BRINP1: variants seen among roughly 807,000 people sequenced by gnomAD.
BRINP1 encodes BMP/retinoic acid inducible neural specific 1, also known as BMP/retinoic acid-inducible neural-specific protein 1.
A neutral mutation model predicts 72.9 loss-of-function variants in BRINP1; 17 were observed. The observed-to-expected ratio is 0.23, with a 90% CI of 0.16 to 0.35. The LOEUF (loss-of-function observed/expected upper bound fraction) is 0.35. Among genes scored for constraint, BRINP1 ranks in the 10% least tolerant of loss-of-function variants. The pLI is 1.00. For synonymous variants in BRINP1, 418 were observed against 378.5 expected, an observed-to-expected ratio of 1.10 and a Z score of -1.21; for missense variants, 850 against 1,001.6, an observed-to-expected ratio of 0.85 and a Z score of 2.04.
At chr9:119,219,162 C>T (rs1482382292) in intron 5 of BRINP1, among the ~76,000 whole-genome samples, 2 of 152,062 alleles carry the variant, frequency 1.3e-5, no homozygotes, top group African/African-American at 4.8e-5. Flanking sequence ...GTGTAAGCCA[C>T]CCAGTCTGTG....
intron 2 of BRINP1, among the ~76,000 whole-genome samples, chr9:119,294,553 T>A (rs1162699059): frequency 6.8e-6 from 1 of 146,174 alleles, no homozygotes; most frequent in Non-Finnish European, 1.5e-5. Context: ...ACAAAACACA[T>A]TGATGAAGGA....
At chr9:119,245,248 T>G (rs1489286252) in intron 3 of BRINP1, among the ~76,000 whole-genome samples, 1 of 152,214 alleles carries the variant, frequency 6.6e-6, no homozygotes, top group Non-Finnish European at 1.5e-5. Flanking sequence ...GTGAATGATG[T>G]GTACACGTGT....
intron 1 of BRINP1, among the ~76,000 whole-genome samples, chr9:119,352,139 G>A (rs1395651054): frequency 6.6e-6 from 1 of 152,074 alleles, no homozygotes; most frequent in Non-Finnish European, 1.5e-5. Context: ...GTTTGTCTTA[G>A]GTATCCGTAA....
intron 2 of BRINP1, among the ~76,000 whole-genome samples, chr9:119,263,238 G>A (rs1392365615): frequency 6.6e-6 from 1 of 152,154 alleles, no homozygotes; most frequent in African/African-American, 2.4e-5. Flanking sequence ...AAACTTAGCA[G>A]GCCAGAGTCT....
chr9:119,350,749 AAC>A (rs913303909), intron 1 of BRINP1, among the ~76,000 whole-genome samples: 28 of 152,156 alleles, frequency 1.8e-4, no homozygotes, highest in African/African-American at 5.8e-4. Flanking sequence ...GCTCAATTCT[AAC>A]AGTGTTAGTT....
At chr9:119,336,088 C>T (rs1014960765) in intron 1 of BRINP1, among the ~76,000 whole-genome samples, 32 of 152,314 alleles carry the variant, frequency 2.1e-4, no homozygotes, top group Non-Finnish European at 3.1e-4. Flanking sequence ...TCACCATTTA[C>T]ATGTCAGGTA....
intron 1 of BRINP1, among the ~76,000 whole-genome samples, chr9:119,366,172 T>A (rs141777877): frequency 6.6e-6 from 1 of 152,272 alleles, no homozygotes; most frequent in East Asian, 1.9e-4. Context: ...GATCTTTGTG[T>A]GCACATGTGT....
chr9:119,174,187 G>A (rs1213643137), intron 7 of BRINP1, among the ~76,000 whole-genome samples: 17 of 148,596 alleles, frequency 1.1e-4, no homozygotes, highest in East Asian at 2.0e-4. Flanking sequence ...GCAACCTACA[G>A]AATGGGAGAA....
chr9:119,321,496 A>G (rs10115794), intron 1 of BRINP1, among the ~76,000 whole-genome samples: 21,375 of 151,896 alleles, frequency 0.14, 1,799 homozygotes, highest in African/African-American at 0.23. Context: ...TTATTTATTT[A>G]TTTTTTAGTT....
chr9:119,211,546 A>G (rs1249644500), intron 6 of BRINP1, among the ~76,000 whole-genome samples: 1 of 152,048 alleles, frequency 6.6e-6, no homozygotes, highest in African/African-American at 2.4e-5. Context: ...CCTAGCAAGG[A>G]GATGTAGACT....
At chr9:119,244,380 C>A (rs1345689334) in intron 3 of BRINP1, among the ~76,000 whole-genome samples, 1 of 152,194 alleles carries the variant, frequency 6.6e-6, no homozygotes, top group African/African-American at 2.4e-5. Context: ...AGCAGGGGAA[C>A]AAGGACTCCA....
At chr9:119,182,964 A>G (rs1407853971) in intron 7 of BRINP1, among the ~76,000 whole-genome samples, 1 of 152,242 alleles carries the variant, frequency 6.6e-6, no homozygotes, top group Non-Finnish European at 1.5e-5. Context: ...ATGATATATT[A>G]CTCAGCAGGA....
intron 1 of BRINP1, among the ~76,000 whole-genome samples, chr9:119,319,800 T>TG (rs1327900065): frequency 6.6e-6 from 1 of 152,200 alleles, no homozygotes; most frequent in African/African-American, 2.4e-5. Context: ...GTGTCAGACT[T>TG]GGGATTCTAA....
chr9:119,201,986 G>A (rs1829809938), intron 7 of BRINP1, among the ~76,000 whole-genome samples: 1 of 151,188 alleles, frequency 6.6e-6, no homozygotes, highest in African/African-American at 2.4e-5. Context: ...CTTTTGCCAT[G>A]ACAGGCAATT....
chr9:119,314,021 G>A (rs1359048937), intron 1 of BRINP1, among the ~76,000 whole-genome samples: 4 of 152,178 alleles, frequency 2.6e-5, no homozygotes, highest in African/African-American at 9.7e-5. Flanking sequence ...TGACTATCTA[G>A]GTTGAATACT....
intron 1 of BRINP1, among the ~76,000 whole-genome samples, chr9:119,356,708 G>A (rs1212230576): frequency 1.3e-5 from 2 of 151,880 alleles, no homozygotes; most frequent in African/African-American, 4.8e-5. Flanking sequence ...AGGAGGCTGA[G>A]GCAATAGAAT....
intron 1 of BRINP1, among the ~76,000 whole-genome samples, chr9:119,366,542 GTGT>G (rs1831694493): frequency 6.7e-6 from 1 of 149,874 alleles, no homozygotes; most frequent in African/African-American, 2.5e-5. Flanking sequence ...GTGTGTGTGT[GTGT>G]GTGTGTGTGT....
chr9:119,234,686 A>C (rs552568313), intron 5 of BRINP1, among the ~76,000 whole-genome samples: 10 of 152,122 alleles, frequency 6.6e-5, no homozygotes, highest in African/African-American at 2.2e-4. Context: ...CATCCTACTG[A>C]ATAAAAATGA....
chr9:119,328,591 T>C (rs1327988719), intron 1 of BRINP1, among the ~76,000 whole-genome samples: 2 of 152,096 alleles, frequency 1.3e-5, no homozygotes, highest in Non-Finnish European at 2.9e-5. Flanking sequence ...GTGGCCAAAC[T>C]CTGGACCAGA....
Sources: gnomAD v4.1 joint callset for allele counts (sites outside exome capture counted in the v4.1 genomes callset) on GRCh38, gnomAD v4.1.1 for gene constraint, MANE v1.5 for transcripts, NCBI Gene and HGNC (gene_info 2026-07-23, HGNC 2026-07-21) for gene names.